SHANK2: variants seen among roughly 807,000 people sequenced by gnomAD.
SHANK2 encodes SH3 and multiple ankyrin repeat domains protein 2.
A neutral mutation model predicts 133.7 loss-of-function variants in SHANK2; 43 were observed. The ratio of observed to expected loss-of-function variants is 0.32; its 90% CI spans 0.25 to 0.41. The LOEUF (loss-of-function observed/expected upper bound fraction) is 0.41. Among genes scored for constraint, SHANK2 ranks in the 10% least tolerant of loss-of-function variants. The pLI, the probability that SHANK2 is intolerant of heterozygous loss-of-function variation, is 1.00. For synonymous variants in SHANK2, 1,017 were observed against 952.8 expected, an observed-to-expected ratio of 1.07 and a Z score of -1.24; for missense variants, 1,994 against 2,235.8, an observed-to-expected ratio of 0.89 and a Z score of 2.18.
At chr11:70,867,247 G>A (rs1949379612) in intron 11 of SHANK2, among the ~76,000 whole-genome samples, 1 of 152,196 alleles carries the variant, frequency 6.6e-6, no homozygotes, top group Admixed American at 6.5e-5. Flanking sequence ...GGTAGGGGTA[G>A]GTGGAGGGTG....
intron 10 of SHANK2, among the ~76,000 whole-genome samples, chr11:70,931,946 T>A (rs1306558766): frequency 1.3e-5 from 2 of 152,212 alleles, no homozygotes; most frequent in Admixed American, 6.5e-5. Context: ...GAAATTAGCA[T>A]AACAAATATT....
At position 70,836,489 on chromosome 11, in the gene SHANK2, C is replaced by T. The variant is rs530930116; in HGVS notation, c.1175-15807G>A. Among the ~76,000 whole-genome samples the T allele has an allele frequency of 2.6e-5, 4 of 152,302 alleles. No homozygotes were observed. The East Asian group carries it at 7.7e-4, about 29-fold the overall frequency. On this transcript the variant is annotated intron_variant, in intron 11 of 25. Coordinates refer to ENST00000601538, the MANE Select transcript of SHANK2 (RefSeq NM_012309.5). ...AGGGAAAGGACTTCCTGTGGGTGGC[C>T]CCGGGTGCCACCCAAGGCCTGGACC...
intron 3 of SHANK2, among the ~76,000 whole-genome samples, chr11:71,134,083 T>C (rs1487853026): frequency 1.4e-5 from 2 of 146,582 alleles, no homozygotes; most frequent in East Asian, 2.0e-4. Flanking sequence ...ACTGGGTGAC[T>C]TGACAGTGCA....
chr11:70,598,913 A>AT (rs1373027171), intron 17 of SHANK2, among the ~76,000 whole-genome samples: 1 of 144,338 alleles, frequency 6.9e-6, no homozygotes, highest in Non-Finnish European at 1.5e-5. Flanking sequence ...CTTTAACCTG[A>AT]TAAGCTGCAT....
chr11:70,940,966 C>T (rs1381070069), intron 10 of SHANK2, among the ~76,000 whole-genome samples: 1 of 152,142 alleles, frequency 6.6e-6, no homozygotes, highest in Non-Finnish European at 1.5e-5. Flanking sequence ...ACGGGACTGG[C>T]CTCTGCCCTT....
At chr11:70,941,778 G>T (rs1383527460) in intron 10 of SHANK2, among the ~76,000 whole-genome samples, 1 of 152,144 alleles carries the variant, frequency 6.6e-6, no homozygotes, top group Non-Finnish European at 1.5e-5. Flanking sequence ...AATGTCTGTT[G>T]TGTAACACCT....
chr11:70,515,810 CAAAA>C, intron 17 of SHANK2, among the ~76,000 whole-genome samples: 1 of 152,050 alleles, frequency 6.6e-6, no homozygotes, highest in South Asian at 2.1e-4. Flanking sequence ...AGACCTGTCT[CAAAA>C]AAATTTTTTT....
chr11:71,247,484 TA>T (rs139897996), intron 1 of SHANK2, among the ~76,000 whole-genome samples: 1 of 145,960 alleles, frequency 6.9e-6, no homozygotes, highest in Non-Finnish European at 1.5e-5. Context: ...CTGTTTTTTT[TA>T]AAAAAAACAA....
At chr11:70,771,920 A>C (rs1412277039) in intron 14 of SHANK2, among the ~76,000 whole-genome samples, 1 of 152,176 alleles carries the variant, frequency 6.6e-6, no homozygotes, top group African/African-American at 2.4e-5. Flanking sequence ...GGGGGTTTTC[A>C]CCACAAGGTG....
intron 21 of SHANK2, among the ~76,000 whole-genome samples, chr11:70,494,489 T>C (rs1166703074): frequency 2.0e-5 from 3 of 152,162 alleles, no homozygotes; most frequent in Non-Finnish European, 4.4e-5. Context: ...AGACGGGGTT[T>C]CACCATGTTG....
chr11:70,896,654 C>T (rs900913056), intron 10 of SHANK2, 87 bp from the exon 11 acceptor site: 10 of 673,996 alleles, frequency 1.5e-5, no homozygotes, highest in Non-Finnish European at 2.5e-5. Context: ...AGGCCTAACA[C>T]CAAAAGAAGT....
At position 70,485,363 on chromosome 11, in the gene SHANK2, C is replaced by T. The variant is rs2058786429; in HGVS notation, c.4930G>A (p.Glu1644Lys). 1.9e-6 allele frequency: 3 copies of T among 1,613,970 alleles called. No homozygotes were observed. The highest frequency in any genetic ancestry group is 2.5e-6 in the Non-Finnish European group (3 of 1,180,012). The change falls in exon 25 of 26, where the codon GAA becomes AAA. Residue 1644 changes from glutamate to lysine, a missense_variant. Transcript: ENST00000601538. This position sits in a 1 kb window ranked among gnomAD's most constrained non-coding sequence, Gnocchi z 5.8. ...MNREKLAKPG[E>K]GLDSPMGAKS... Reference sequence around the variant, plus strand: ...GCTCCCATTGGTGAATCCAGTCCTTCCCCCGGCTTTGCCAATTTCTCTCGG... The same window carrying T: ...GCTCCCATTGGTGAATCCAGTCCTTTCCCCGGCTTTGCCAATTTCTCTCGG...
intron 15 of SHANK2, among the ~76,000 whole-genome samples, chr11:70,670,755 G>A (rs567752327): frequency 5.3e-5 from 8 of 152,316 alleles, no homozygotes; most frequent in East Asian, 3.9e-4. Flanking sequence ...TGACAGCCCC[G>A]GCCAGCCTGC....
At chr11:71,075,952 C>A (rs1329484686) in intron 8 of SHANK2, among the ~76,000 whole-genome samples, 1 of 152,202 alleles carries the variant, frequency 6.6e-6, no homozygotes, top group East Asian at 1.9e-4. Context: ...TCAGAACTTT[C>A]GCCTGAGTAC....
intron 14 of SHANK2, 153 bp from the exon 15 acceptor site, chr11:70,698,916 G>A (rs1945459190): frequency 1.5e-6 from 1 of 689,500 alleles, no homozygotes; most frequent in Non-Finnish European, 2.7e-6. Flanking sequence ...ATGAGGCCTG[G>A]TTCTGGGGCT....
intron 8 of SHANK2, among the ~76,000 whole-genome samples, chr11:71,078,210 G>T (rs1302974506): frequency 6.6e-6 from 1 of 151,422 alleles, no homozygotes; most frequent in Non-Finnish European, 1.5e-5. Context: ...GTGTCCCAAG[G>T]ACACAGGAGC....
intron 11 of SHANK2, among the ~76,000 whole-genome samples, chr11:70,874,231 T>C (rs554217705): frequency 1.3e-5 from 2 of 152,288 alleles, no homozygotes; most frequent in African/African-American, 4.8e-5. Context: ...TATCTATCCA[T>C]TCACCCATCC....
chr11:70,539,460 TG>T (rs11285479), intron 17 of SHANK2, among the ~76,000 whole-genome samples: 15,243 of 103,536 alleles, frequency 0.15, 1,531 homozygotes, highest in African/African-American at 0.32. Flanking sequence ...CACCGCGGTC[TG>T]GGGGGTTTAG....
At chr11:71,147,477 AG>A in intron 2 of SHANK2, 139 bp from the exon 3 acceptor site, 1 of 569,148 alleles carries the variant, frequency 1.8e-6, no homozygotes, top group Non-Finnish European at 2.8e-6. Flanking sequence ...CCACCAGCCG[AG>A]GGCCCCAGGT....
Sources: allele counts gnomAD v4.1 joint callset (sites outside exome capture counted in the v4.1 genomes callset), GRCh38; gene constraint gnomAD v4.1.1; non-coding constraint Gnocchi (gnomAD v3.1); transcripts MANE v1.5; gene names NCBI Gene and HGNC (gene_info 2026-07-23, HGNC 2026-07-21).